The following NCAM2 variants were observed in gnomAD, a reference collection of about 807,000 sequenced individuals.
NCAM2 encodes neural cell adhesion molecule 2, also known as N-CAM-2.
A neutral mutation model predicts 98.1 loss-of-function variants in NCAM2; 30 were observed. The observed-to-expected ratio is 0.31, with a 90% CI of 0.23 to 0.41. The LOEUF is 0.41. Ranked by LOEUF, NCAM2 falls within the 10% of genes least tolerant of loss-of-function variation. The probability of loss-of-function intolerance (pLI) is 1.00; values close to 1 mark genes in which losing one functional copy is unlikely to be tolerated. For synonymous variants in NCAM2, 368 were observed against 342.4 expected (o/e 1.07, Z -0.83); for missense variants, 867 against 1,005.8 (o/e 0.86, Z 1.87).
chr21:21,017,297 A>G (rs2064329428), intron 1 of NCAM2, among the ~76,000 whole-genome samples: 1 of 151,866 alleles, frequency 6.6e-6, no homozygotes, highest in African/African-American at 2.4e-5. Context: ...GTGGTGGTAC[A>G]TGCCTGTTGT....
chr21:21,014,673 A>T (rs1171549379), intron 1 of NCAM2, among the ~76,000 whole-genome samples: 1 of 152,210 alleles, frequency 6.6e-6, no homozygotes, highest in East Asian at 1.9e-4. Context: ...TATGCCTACT[A>T]ACACAACATT....
At chr21:21,499,245 T>C (rs1022741595) in intron 15 of NCAM2, among the ~76,000 whole-genome samples, 3 of 152,140 alleles carry the variant, frequency 2.0e-5, no homozygotes, top group African/African-American at 7.2e-5. Context: ...AATAACATAA[T>C]GTTTTGTTTA....
intron 1 of NCAM2, among the ~76,000 whole-genome samples, chr21:21,114,063 T>G (rs1229149177): frequency 5.3e-5 from 8 of 152,162 alleles, no homozygotes; most frequent in Non-Finnish European, 1.0e-4. Context: ...TTTTAGTGTG[T>G]GAATGTATAT....
chr21:21,278,161 C>T (rs1391033046), intron 1 of NCAM2, among the ~76,000 whole-genome samples: 1 of 151,508 alleles, frequency 6.6e-6, no homozygotes, highest in East Asian at 1.9e-4. Context: ...ATAATTTCCC[C>T]TCCCTTTTTT....
intron 16 of NCAM2, among the ~76,000 whole-genome samples, chr21:21,510,103 T>C (rs1437377166): frequency 6.6e-6 from 1 of 152,170 alleles, no homozygotes; most frequent in Non-Finnish European, 1.5e-5. Flanking sequence ...TAATCCCTTA[T>C]ATTTTCTTGA....
At chr21:21,257,081 G>A in intron 1 of NCAM2, among the ~76,000 whole-genome samples, 1 of 152,304 alleles carries the variant, frequency 6.6e-6, no homozygotes. Context: ...AGGAAGCATT[G>A]TTCTGGGCTT....
chr21:21,416,675 C>G (rs1365974262), intron 10 of NCAM2, among the ~76,000 whole-genome samples: 3 of 152,072 alleles, frequency 2.0e-5, no homozygotes, highest in African/African-American at 7.2e-5. Flanking sequence ...ATTTTCAATG[C>G]TTTGCACATT....
chr21:21,151,014 A>G (rs2067432608), intron 1 of NCAM2, among the ~76,000 whole-genome samples: 1 of 151,772 alleles, frequency 6.6e-6, no homozygotes, highest in African/African-American at 2.4e-5. Context: ...TGTTTGATTG[A>G]TACCATTCTT....
chr21:21,250,591 C>T (rs2071434328), intron 1 of NCAM2, among the ~76,000 whole-genome samples: 1 of 151,966 alleles, frequency 6.6e-6, no homozygotes, highest in African/African-American at 2.4e-5. Context: ...GGTGGAGACC[C>T]CTGCAAATCT....
rs115971726 is a variant in NCAM2 at position 21,424,182 on chromosome 21, C to A, written c.1480+5613C>A. On this transcript the variant is annotated intron_variant, in intron 11 of 17. Coordinates refer to ENST00000400546, the MANE Select transcript of NCAM2 (RefSeq NM_004540.5). ...ATTCAGAAACTATTCATAATATATT[C>A]TTGGTTTTCTCATTCTCATATTGCT... 2.8e-3 allele frequency among the ~76,000 whole-genome samples: 432 copies of A among 152,258 alleles called. 4 individuals carry two copies. The highest frequency in any genetic ancestry group is 9.8e-3 in the African/African-American group (409 of 41,562).
intron 14 of NCAM2, among the ~76,000 whole-genome samples, chr21:21,469,726 TA>T (rs1984185080): frequency 6.6e-6 from 1 of 151,974 alleles, no homozygotes; most frequent in African/African-American, 2.4e-5. Flanking sequence ...TGAGGGGTAA[TA>T]AAAAAGAAAA....
At chr21:21,448,355 A>G (rs1346594728) in intron 12 of NCAM2, among the ~76,000 whole-genome samples, 1 of 152,024 alleles carries the variant, frequency 6.6e-6, no homozygotes, top group Non-Finnish European at 1.5e-5. Context: ...GAATACATGG[A>G]CACAGGGAGG....
intron 1 of NCAM2, among the ~76,000 whole-genome samples, chr21:21,058,952 G>A (rs2065268018): frequency 6.6e-6 from 1 of 151,986 alleles, no homozygotes; most frequent in Non-Finnish European, 1.5e-5. Context: ...GTTTCCAATA[G>A]CTACTTAAAG....
At chr21:21,174,799 G>T (rs891685222) in intron 1 of NCAM2, among the ~76,000 whole-genome samples, 1 of 151,818 alleles carries the variant, frequency 6.6e-6, no homozygotes, top group Non-Finnish European at 1.5e-5. Flanking sequence ...TGAGAAAAGA[G>T]AGCTATCTTT....
At chr21:21,058,131 C>A (rs562267166) in intron 1 of NCAM2, among the ~76,000 whole-genome samples, 9 of 117,534 alleles carry the variant, frequency 7.7e-5, no homozygotes, top group Admixed American at 3.0e-4. Context: ...CCAAAGTGGG[C>A]CCTAAGTCTC....
intron 1 of NCAM2, among the ~76,000 whole-genome samples, chr21:21,130,574 A>T (rs1180081578): frequency 6.6e-6 from 1 of 152,128 alleles, no homozygotes; most frequent in East Asian, 1.9e-4. Context: ...GATTATTGGT[A>T]ATCTGTTGGG....
At chr21:21,179,110 A>G (rs1352753846) in intron 1 of NCAM2, among the ~76,000 whole-genome samples, 1 of 152,192 alleles carries the variant, frequency 6.6e-6, no homozygotes. Flanking sequence ...AAGGTTTGAC[A>G]TGAATTCTAA....
At chr21:21,367,861 C>A (rs1602124850) in intron 8 of NCAM2, among the ~76,000 whole-genome samples, 2 of 151,956 alleles carry the variant, frequency 1.3e-5, no homozygotes, top group Admixed American at 1.3e-4. Flanking sequence ...ATAAGCCTAT[C>A]CATTCTGGTT....
Position 21,423,085 on chromosome 21 carries a change from A to AT in NCAM2, c.1480+4521dup, listed in dbSNP as rs113171191. Among the ~76,000 whole-genome samples, 1,153 of 152,140 alleles carry AT rather than the reference A, an allele frequency of 7.6e-3. 14 individuals carry two copies. The highest frequency in any genetic ancestry group is 0.026 in the African/African-American group (1,075 of 41,504). On this transcript the variant is annotated intron_variant, in intron 11 of 17. Transcript: ENST00000400546. ...TCTTAATTTGTTTCATCATTGTTAT[A>AT]TTTTTAACTGTTGAACTTTTTTATA... is the stretch of plus-strand genomic sequence containing the variant.
Sources: gnomAD v4.1 joint callset for allele counts (sites outside exome capture counted in the v4.1 genomes callset) on GRCh38, gnomAD v4.1.1 for gene constraint, MANE v1.5 for transcripts, NCBI Gene and HGNC (gene_info 2026-07-23, HGNC 2026-07-21) for gene names.